Variants in DTWD1 observed in about 807,000 individuals in gnomAD.
DTWD1 encodes the protein tRNA-uridine aminocarboxypropyltransferase 1.
DTWD1 carries 27 observed loss-of-function variants against 30.2 expected under a neutral mutation model. The observed-to-expected ratio is 0.90, with a 90% CI of 0.66 to 1.23. DTWD1 has a LOEUF of 1.23. Among genes scored for constraint, DTWD1 ranks in the 50% most tolerant of loss-of-function variants. The probability of loss-of-function intolerance (pLI) is 0.00; values close to 1 mark genes in which losing one functional copy is unlikely to be tolerated. For synonymous variants in DTWD1, 99 were observed against 113.1 expected, an observed-to-expected ratio of 0.88 and a Z score of 0.79; for missense variants, 342 against 348.8, an observed-to-expected ratio of 0.98 and a Z score of 0.15.
rs1269902959 is a variant in DTWD1, at chr15:49,645,630, G to A, written c.*2052G>A. ...GAGCCAAAATCTATTGCATTTAACTGGCTTTACAAACCAACTAAACATAAC... is the reference window on the plus strand; with the variant it reads ...GAGCCAAAATCTATTGCATTTAACTAGCTTTACAAACCAACTAAACATAAC... On this transcript the variant is annotated 3_prime_UTR_variant, in exon 5 of 5. Transcript: ENST00000403028. The A allele has an allele frequency of 2.0e-5, 3 of 151,600 alleles. No individual in the cohort carries two copies. Among genetic ancestry groups the A allele is most frequent in the African/African-American group, 7.3e-5 (3 of 41,252 alleles). 9.4% of individuals were successfully genotyped at this position (151,600 alleles called of 1,614,324 possible).
In DTWD1 at chr15:49,655,399, G is replaced by T. The variant is rs1287203186; in HGVS notation, c.*11821G>T. On this transcript the variant is annotated 3_prime_UTR_variant, in exon 5 of 5. Transcript: ENST00000403028. ...AGAAAGACTTATGAAGAAAAGACCT[G>T]TAGAAAATCGGGCCTACGTACCTCT... 6.6e-6 allele frequency: 1 copy of T among 151,968 alleles called. No homozygotes were observed. Among genetic ancestry groups the T allele is most frequent in the African/African-American group, 2.4e-5 (1 of 41,410 alleles). 9.4% of individuals were successfully genotyped at this position (151,968 alleles called of 1,614,324 possible).
rs1598679065 is a variant in DTWD1 at position 49,652,227 on chromosome 15, A to G, written c.*8649A>G. ...GGGACACAGTTTTGCTGAGAGATAT[A>G]TAAAAAATCTCACTGAAAAACATAA... On this transcript the variant is annotated 3_prime_UTR_variant, in exon 5 of 5. Coordinates refer to ENST00000403028, the MANE Select transcript of DTWD1 (RefSeq NM_001144955.2). The G allele has an allele frequency of 1.3e-5, 2 of 152,256 alleles. No individual in the cohort carries two copies. Among genetic ancestry groups the G allele is most frequent in the South Asian group, 4.1e-4 (2 of 4,824 alleles). The allele number at this position is 152,256 out of a possible 1,614,324, so 9.4% of individuals were successfully genotyped here. A position where few individuals can be genotyped will look rare whatever the true frequency, so the allele number is the denominator to read the frequency against.
At chr15:49,621,995 G>C (rs2078737601) in intron 1 of DTWD1, among the ~76,000 whole-genome samples, 2 of 152,140 alleles carry the variant, frequency 1.3e-5, no homozygotes, top group African/African-American at 4.8e-5. Flanking sequence ...AATAATGGAA[G>C]AGGTAGAAGC....
chr15:49,643,675 T>A lies in DTWD1; in HGVS notation c.*97T>A. The A allele has an allele frequency of 7.9e-7, 1 of 1,263,396 alleles. No homozygotes were observed. 78.3% of individuals were successfully genotyped at this position (1,263,396 alleles called of 1,614,324 possible). On this transcript the variant is annotated 3_prime_UTR_variant, in exon 5 of 5. Transcript: ENST00000403028. ...TTAAGAAATAATCATATATAATGCC[T>A]GTAAGACCATTTGAAAAAATTCCAG... is the stretch of plus-strand genomic sequence containing the variant.
chr15:49,639,474 A>C (rs2079040476), intron 4 of DTWD1, among the ~76,000 whole-genome samples: 1 of 152,112 alleles, frequency 6.6e-6, no homozygotes, highest in Non-Finnish European at 1.5e-5. Context: ...AGGCAGGAGG[A>C]TTGCTTGAGC....
intron 3 of DTWD1, among the ~76,000 whole-genome samples, chr15:49,633,049 C>CTA (rs1555588610): frequency 0.044 from 5,168 of 117,304 alleles, 135 homozygotes; most frequent in African/African-American, 0.088. Context: ...ATATCTATAT[C>CTA]TATATATATA....
At chr15:49,640,590 C>T (rs146181127) in intron 4 of DTWD1, among the ~76,000 whole-genome samples, 3 of 152,196 alleles carry the variant, frequency 2.0e-5, no homozygotes, top group Non-Finnish European at 2.9e-5. Context: ...ATCTCTCCTA[C>T]CTTGGTATTA....
In DTWD1 at chr15:49,656,099, A is replaced by C. The variant is rs2079174990; in HGVS notation, c.*12521A>C. The C allele has an allele frequency of 6.6e-6, 1 of 152,070 alleles. No individual in the cohort carries two copies. Among genetic ancestry groups the C allele is most frequent in the Non-Finnish European group, 1.5e-5 (1 of 67,962 alleles). 9.4% of individuals were successfully genotyped at this position (152,070 alleles called of 1,614,324 possible). A position where few individuals can be genotyped will look rare whatever the true frequency, so the allele number is the denominator to read the frequency against. Reference sequence around the variant, plus strand: ...CTGAAGCAGAAAGAAAGATGAATAAAAGTTCTGGTTTTACTTTTAAAAGTG... The same window carrying C: ...CTGAAGCAGAAAGAAAGATGAATAACAGTTCTGGTTTTACTTTTAAAAGTG... On this transcript the variant is annotated 3_prime_UTR_variant, in exon 5 of 5. Coordinates refer to ENST00000403028, the MANE Select transcript of DTWD1 (RefSeq NM_001144955.2).
chr15:49,639,024 C>T (rs1300549655), intron 4 of DTWD1, among the ~76,000 whole-genome samples: 1 of 152,130 alleles, frequency 6.6e-6, no homozygotes, highest in African/African-American at 2.4e-5. Context: ...AGCTCTTTCC[C>T]TTCAGTTTGA....
Position 49,644,215 on chromosome 15 carries a change from C to CT in DTWD1, c.*638dup, listed in dbSNP as rs150530474. The CT allele has an allele frequency of 6.6e-6, 1 of 152,278 alleles. No individual in the cohort carries two copies. Among genetic ancestry groups the CT allele is most frequent in the Non-Finnish European group, 1.5e-5 (1 of 68,024 alleles). 9.4% of individuals were successfully genotyped at this position (152,278 alleles called of 1,614,324 possible). A position where few individuals can be genotyped will look rare whatever the true frequency, so the allele number is the denominator to read the frequency against. On this transcript the variant is annotated 3_prime_UTR_variant, in exon 5 of 5. Coordinates refer to ENST00000403028, the MANE Select transcript of DTWD1 (RefSeq NM_001144955.2). ...CTTATAGGAATAACTGAGTTAATAT[C>CT]TAAGGGGCTTTCAGCAGTACCTGAA...
chr15:49,623,316 C>T (rs999904678), intron 1 of DTWD1, among the ~76,000 whole-genome samples: 1 of 152,164 alleles, frequency 6.6e-6, no homozygotes, highest in Non-Finnish European at 1.5e-5. Flanking sequence ...AACACCAGGA[C>T]AAACCCAAAG....
At chr15:49,632,438 A>C (rs1273189851) in intron 3 of DTWD1, 136 bp downstream of exon 3, 4 of 812,006 alleles carry the variant, frequency 4.9e-6, no homozygotes, top group Non-Finnish European at 5.5e-6. Context: ...ATGTTAGACA[A>C]TATACAGTTT....
rs2079129128 is a variant in DTWD1, at chr15:49,647,756, G to A, written c.*4178G>A. On this transcript the variant is annotated 3_prime_UTR_variant, in exon 5 of 5. Transcript: ENST00000403028. ...ATCCTTCAAATATAAAAGGGGAAAA[G>A]GAGGGGAGAAAATCCAAAGGAAATA... The A allele has an allele frequency of 6.6e-6, 1 of 151,884 alleles. No individual in the cohort carries two copies. Among genetic ancestry groups the A allele is most frequent in the African/African-American group, 2.4e-5 (1 of 41,358 alleles). 9.4% of individuals were successfully genotyped at this position (151,884 alleles called of 1,614,324 possible).
intron 2 of DTWD1, 55 bp downstream of exon 2, chr15:49,625,486 C>T: frequency 1.4e-6 from 2 of 1,421,596 alleles, no homozygotes; most frequent in Non-Finnish European, 9.7e-7. Context: ...TTAAAAACAT[C>T]TCATGTATAC....
intron 2 of DTWD1, among the ~76,000 whole-genome samples, chr15:49,630,528 T>C (rs2078905452): frequency 6.6e-6 from 1 of 152,182 alleles, no homozygotes; most frequent in South Asian, 2.1e-4. Context: ...TTGGCATTTT[T>C]TTCATAATCA....
At position 49,624,966 on chromosome 15, in the gene DTWD1, A is replaced by T. The variant is rs550020624; in HGVS notation, c.-55-147A>T. On this transcript the variant is annotated intron_variant, in intron 1 of 4. Coordinates refer to ENST00000403028, the MANE Select transcript of DTWD1 (RefSeq NM_001144955.2). ...TTATTGCTTTTAATCTTATGTTTTA[A>T]AGTGTGCCAATTTGGTGGTTTAAAA... 2.3e-5 allele frequency: 12 copies of T among 532,468 alleles called. 1 individual carries two copies. The East Asian group carries it at 3.7e-4, about 17-fold the overall frequency. 33.0% of individuals were successfully genotyped at this position (532,468 alleles called of 1,614,324 possible).
intron 3 of DTWD1, 31 bp downstream of exon 3, chr15:49,632,333 A>G (rs751186028): frequency 9.6e-6 from 15 of 1,559,250 alleles, no homozygotes; most frequent in African/African-American, 2.8e-5. Context: ...AACTCTTCAC[A>G]TTGGATATAA....
intron 1 of DTWD1, among the ~76,000 whole-genome samples, chr15:49,622,863 A>G (rs868599946): frequency 2.0e-5 from 3 of 152,032 alleles, no homozygotes; most frequent in Non-Finnish European, 2.9e-5. Context: ...AGCCATAAAC[A>G]TTTCTCTTTT....
In DTWD1 at chr15:49,645,790, T is replaced by TA. The variant is rs929723498; in HGVS notation, c.*2216dup. 7 of 152,290 alleles carry TA rather than the reference T, an allele frequency of 4.6e-5. No homozygotes were observed. Among genetic ancestry groups the TA allele is most frequent in the African/African-American group, 1.7e-4 (7 of 41,586 alleles). 9.4% of individuals were successfully genotyped at this position (152,290 alleles called of 1,614,324 possible). A position where few individuals can be genotyped will look rare whatever the true frequency, so the allele number is the denominator to read the frequency against. On this transcript the variant is annotated 3_prime_UTR_variant, in exon 5 of 5. Transcript: ENST00000403028. ...AGCCTAATTTACAGCTAAGGCCAGA[T>TA]AAAATCTCAGGTTCTTTTCAAAAGA...
Sources: gnomAD v4.1 joint callset for allele counts (sites outside exome capture counted in the v4.1 genomes callset) on GRCh38, gnomAD v4.1.1 for gene constraint, MANE v1.5 for transcripts, NCBI Gene and HGNC (gene_info 2026-07-23, HGNC 2026-07-21) for gene names.